ZNF407: variants seen among roughly 807,000 people sequenced by gnomAD.
ZNF407 encodes zinc finger protein 407.
In ZNF407, 17 loss-of-function variants were observed where a neutral mutation model predicts 131.2. The observed-to-expected ratio is 0.13, with a 90% CI of 0.09 to 0.19. ZNF407 has a LOEUF of 0.19. Ranked by LOEUF, ZNF407 falls within the 10% of genes least tolerant of loss-of-function variation. The pLI is 1.00. For missense variants in ZNF407, 2,681 were observed against 2,830.6 expected (o/e 0.95, Z 1.20); for synonymous variants, 1,156 against 1,062.0 (o/e 1.09, Z -1.72).
At chr18:74,604,073 T>G (rs1314653670) in intron 1 of ZNF407, among the ~76,000 whole-genome samples, 1 of 152,078 alleles carries the variant, frequency 6.6e-6, no homozygotes, top group Non-Finnish European at 1.5e-5. Flanking sequence ...AGATAAAAAT[T>G]TAGGCATCAT....
At position 74,783,470 on chromosome 18, in the gene ZNF407, A is replaced by ATGTATATAT. The variant is rs1266224707; in HGVS notation, c.4877+1969_4877+1977dup. ...TTGATCTCCCCATATATGTGCATGT[A>ATGTATATAT]TGTATATATGTTCATGTATTAAACA... On this transcript the variant is annotated intron_variant, in intron 4 of 8. Transcript: ENST00000299687. Among the ~76,000 whole-genome samples the ATGTATATAT allele has an allele frequency of 2.1e-4, 32 of 152,228 alleles. 1 individual carries two copies. The highest frequency in any genetic ancestry group is 1.9e-3 in the Admixed American group (29 of 15,294).
chr18:74,921,346 A>G (rs1971844413), intron 8 of ZNF407, among the ~76,000 whole-genome samples: 1 of 152,212 alleles, frequency 6.6e-6, no homozygotes, highest in South Asian at 2.1e-4. Context: ...CATTTTGTTT[A>G]ATTAGCAAGT....
At chr18:75,059,017 C>T (rs1973593920) in intron 8 of ZNF407, among the ~76,000 whole-genome samples, 1 of 152,164 alleles carries the variant, frequency 6.6e-6, no homozygotes, top group African/African-American at 2.4e-5. Flanking sequence ...TGGACCCGCG[C>T]TCGCATTTAT....
intron 4 of ZNF407, among the ~76,000 whole-genome samples, chr18:74,806,664 C>T (rs1339709989): frequency 1.3e-5 from 2 of 152,170 alleles, no homozygotes; most frequent in African/African-American, 4.8e-5. Context: ...AGATCCAGTA[C>T]CTGAGTTTAA....
chr18:74,611,975 A>T (rs181292286), intron 1 of ZNF407, among the ~76,000 whole-genome samples: 1 of 152,300 alleles, frequency 6.6e-6, no homozygotes, highest in East Asian at 1.9e-4. Context: ...GTAAGAGGAA[A>T]GACTGGGAGC....
intron 3 of ZNF407, among the ~76,000 whole-genome samples, chr18:74,650,269 A>G (rs1284022664): frequency 6.6e-6 from 1 of 152,120 alleles, no homozygotes; most frequent in Non-Finnish European, 1.5e-5. Flanking sequence ...CTTTTCAGCT[A>G]GTATCTGATG....
At chr18:74,844,846 A>G (rs896602041) in intron 4 of ZNF407, among the ~76,000 whole-genome samples, 5 of 152,312 alleles carry the variant, frequency 3.3e-5, no homozygotes, top group African/African-American at 9.6e-5. Context: ...AGGACTCTTC[A>G]ATGTTAAACT....
At chr18:74,621,446 G>C (rs1862474548) in intron 1 of ZNF407, among the ~76,000 whole-genome samples, 1 of 152,104 alleles carries the variant, frequency 6.6e-6, no homozygotes, top group Non-Finnish European at 1.5e-5. Context: ...GTCCTCTGAA[G>C]GCTTACCTCA....
At chr18:74,725,280 G>C (rs914800788) in intron 3 of ZNF407, among the ~76,000 whole-genome samples, 3 of 152,036 alleles carry the variant, frequency 2.0e-5, no homozygotes, top group African/African-American at 7.2e-5. Flanking sequence ...AGGACCACAG[G>C]CACACACCGC....
chr18:75,050,435 C>T (rs923235609), intron 8 of ZNF407, among the ~76,000 whole-genome samples: 3 of 152,200 alleles, frequency 2.0e-5, no homozygotes, highest in Non-Finnish European at 4.4e-5. Context: ...TGGCAGAAGA[C>T]ATGAGATTCC....
chr18:74,996,565 C>G (rs1972783111), intron 8 of ZNF407, among the ~76,000 whole-genome samples: 1 of 152,168 alleles, frequency 6.6e-6, no homozygotes, highest in African/African-American at 2.4e-5. Flanking sequence ...AACCTTTGTG[C>G]ACAGGCAGAG....
In ZNF407 at chr18:74,631,572, G is replaced by A; in HGVS notation, c.553G>A (p.Val185Ile). The A allele has an allele frequency of 6.2e-7, 1 of 1,613,730 alleles. No individual in the cohort carries two copies. The highest frequency in any genetic ancestry group is 1.1e-5 in the South Asian group (1 of 91,082). Residue 185 changes from valine to isoleucine, a missense_variant, in exon 2 of 9, where the codon GTT becomes ATT. Coordinates refer to ENST00000299687, the MANE Select transcript of ZNF407 (RefSeq NM_017757.3). ...VSCTIGNVDT[V>I]LKCSICGHLF... ...TTGTACCATTGGGAATGTAGATACA[G>A]TTCTCAAATGCAGCATCTGTGGGCA...
At chr18:75,001,987 A>C (rs1319789236) in intron 8 of ZNF407, among the ~76,000 whole-genome samples, 1 of 152,136 alleles carries the variant, frequency 6.6e-6, no homozygotes, top group Non-Finnish European at 1.5e-5. Flanking sequence ...CAGCCCCCAT[A>C]CCAGAGTCAC....
At chr18:74,993,786 T>G (rs1386444526) in intron 8 of ZNF407, among the ~76,000 whole-genome samples, 12 of 152,218 alleles carry the variant, frequency 7.9e-5, no homozygotes, top group Admixed American at 7.9e-4. Flanking sequence ...GTTCAAATGG[T>G]GAACACTCCT....
chr18:74,703,854 A>G lies in ZNF407; in HGVS notation c.4802+62732A>G, dbSNP rs994075733. 6.5e-4 allele frequency among the ~76,000 whole-genome samples: 99 copies of G among 152,180 alleles called. 1 individual carries two copies. The highest frequency in any genetic ancestry group is 3.3e-4 in the Admixed American group (5 of 15,274). On this transcript the variant is annotated intron_variant, in intron 3 of 8. Coordinates refer to ENST00000299687, the MANE Select transcript of ZNF407 (RefSeq NM_017757.3). The surrounding 1 kb of genome is among the most constrained non-coding windows in gnomAD (Gnocchi z 4.1). Reference sequence around the variant, plus strand: ...AATTAATCATTTAATATTCTTAGGTAAGTTGAGATATGAGGTGGTAAATGT... The same window carrying G: ...AATTAATCATTTAATATTCTTAGGTGAGTTGAGATATGAGGTGGTAAATGT...
chr18:75,064,489 A>G lies in ZNF407; in HGVS notation c.*21A>G. ...CATGAGACGCGCGGCACCTTTACTC[A>G]GCACAGGGCAGGTGTGGGAAGGTCC... On this transcript the variant is annotated 3_prime_UTR_variant, in exon 9 of 9. Transcript: ENST00000299687. 1 of 1,456,216 alleles carries G rather than the reference A, an allele frequency of 6.9e-7. No individual in the cohort carries two copies. The highest frequency in any genetic ancestry group is 1.4e-5 in the African/African-American group (1 of 70,232). The allele number at this position is 1,456,216 out of a possible 1,614,324, so 90.2% of individuals were successfully genotyped here.
intron 4 of ZNF407, among the ~76,000 whole-genome samples, chr18:74,800,029 TG>T (rs770551534): frequency 9.9e-5 from 15 of 151,912 alleles, no homozygotes; most frequent in Non-Finnish European, 1.5e-4. Flanking sequence ...TGATGAGTCC[TG>T]GCTTTCAATA....
intron 3 of ZNF407, among the ~76,000 whole-genome samples, chr18:74,658,669 T>A (rs2144726581): frequency 6.6e-6 from 1 of 152,324 alleles, no homozygotes; most frequent in East Asian, 1.9e-4. Flanking sequence ...TGTTTCAACC[T>A]ACTTTTGTTT....
At chr18:74,705,370 G>C (rs1053321121) in intron 3 of ZNF407, among the ~76,000 whole-genome samples, 5 of 152,138 alleles carry the variant, frequency 3.3e-5, no homozygotes, top group Non-Finnish European at 5.9e-5. Context: ...CTCTGATTTG[G>C]TTGAATAGGA....
Sources: allele counts gnomAD v4.1 joint callset (sites outside exome capture counted in the v4.1 genomes callset), GRCh38; gene constraint gnomAD v4.1.1; non-coding constraint Gnocchi (gnomAD v3.1); transcripts MANE v1.5; gene names NCBI Gene and HGNC (gene_info 2026-07-23, HGNC 2026-07-21).